ZC3H12B: variants seen among roughly 807,000 people sequenced by gnomAD.
The protein encoded by ZC3H12B is probable ribonuclease ZC3H12B.
In ZC3H12B, 7 loss-of-function variants were observed where a neutral mutation model predicts 43.9. That is an observed-to-expected ratio of 0.16 (90% CI 0.09 to 0.30). ZC3H12B has a LOEUF of 0.30. ZC3H12B is among the 10% of genes least tolerant of loss of function. ZC3H12B has a pLI of 1.00. For missense variants in ZC3H12B, 475 were observed against 670.2 expected (o/e 0.71, Z 3.22); for synonymous variants, 222 against 241.7 (o/e 0.92, Z 0.76).
chrX:65,239,080 C>T, the ZC3H12B span, among the ~76,000 whole-genome samples: 1 of 111,866 alleles, frequency 8.9e-6, no homozygotes, highest in Non-Finnish European at 1.9e-5. Context: ...GTAGAGAGTT[C>T]TGTAGATGGT....
chrX:65,174,537 T>A, the ZC3H12B span, among the ~76,000 whole-genome samples: 1 of 111,634 alleles, frequency 9.0e-6, no homozygotes, highest in East Asian at 2.8e-4. Flanking sequence ...TATAATCCCC[T>A]GTCAGGGGCT....
At chrX:65,448,542 C>T (rs1385470576) in intron 3 of ZC3H12B, among the ~76,000 whole-genome samples, 1 of 111,764 alleles carries the variant, frequency 8.9e-6, no homozygotes, top group Non-Finnish European at 1.9e-5. Flanking sequence ...TGGGACCGGG[C>T]ACTGTGGCTC....
chrX:65,184,926 A>G, the ZC3H12B span: 3 of 111,712 alleles, frequency 2.7e-5, no homozygotes, highest in Non-Finnish European at 5.7e-5. Flanking sequence ...ATGTTTTCAT[A>G]CATATATGCA....
the ZC3H12B span, among the ~76,000 whole-genome samples, chrX:65,036,326 C>G: frequency 8.9e-6 from 1 of 111,914 alleles, no homozygotes; most frequent in Non-Finnish European, 1.9e-5. Flanking sequence ...AAGATGGGTT[C>G]TTTTCCCTCC....
intron 1 of ZC3H12B, among the ~76,000 whole-genome samples, chrX:65,494,594 A>T (rs184133641): frequency 9.1e-6 from 1 of 110,283 alleles, no homozygotes; most frequent in African/African-American, 3.3e-5. Flanking sequence ...CAGCCTTGGC[A>T]ACATGGTGAA....
At chrX:65,231,286 A>G in the ZC3H12B span, among the ~76,000 whole-genome samples, 4 of 111,299 alleles carry the variant, frequency 3.6e-5, no homozygotes, top group Non-Finnish European at 7.5e-5. Flanking sequence ...AGGGTAGAGC[A>G]AGATCACAAG....
At chrX:65,258,595 G>T in the ZC3H12B span, among the ~76,000 whole-genome samples, 1 of 111,487 alleles carries the variant, frequency 9.0e-6, no homozygotes, top group South Asian at 3.7e-4. Flanking sequence ...AAGAAATAAA[G>T]GCTCTTAAAT....
the ZC3H12B span, among the ~76,000 whole-genome samples, chrX:65,312,705 T>A: frequency 9.0e-6 from 1 of 111,220 alleles, no homozygotes. Flanking sequence ...TATAGTGAGG[T>A]CTCATTTCCC....
the ZC3H12B span, among the ~76,000 whole-genome samples, chrX:65,224,966 C>T: frequency 3.6e-5 from 4 of 111,507 alleles, no homozygotes; most frequent in Non-Finnish European, 7.6e-5. Flanking sequence ...AACAAAAAGA[C>T]AGCAGTAACC....
the ZC3H12B span, among the ~76,000 whole-genome samples, chrX:65,171,554 T>C: frequency 9.0e-6 from 1 of 111,375 alleles, no homozygotes; most frequent in Non-Finnish European, 1.9e-5. Context: ...TGAGAAGCAC[T>C]ACTCTCTTCA....
At chrX:65,111,837 C>T in the ZC3H12B span, among the ~76,000 whole-genome samples, 1 of 110,510 alleles carries the variant, frequency 9.0e-6, no homozygotes, top group African/African-American at 3.3e-5. Flanking sequence ...ACCCCCTTCC[C>T]CTCCCATTTC....
chrX:65,120,669 G>A, the ZC3H12B span, among the ~76,000 whole-genome samples: 3 of 111,221 alleles, frequency 2.7e-5, no homozygotes, highest in Non-Finnish European at 5.7e-5. Flanking sequence ...GTCCTGGCCA[G>A]AACTTCCAAC....
chrX:65,342,118 A>G, the ZC3H12B span, among the ~76,000 whole-genome samples: 1 of 111,736 alleles, frequency 8.9e-6, no homozygotes, highest in Admixed American at 9.5e-5. Flanking sequence ...TGCAGTCCTA[A>G]TTTCAGAAAA....
the ZC3H12B span, among the ~76,000 whole-genome samples, chrX:65,041,968 G>A: frequency 1.8e-5 from 2 of 111,734 alleles, no homozygotes; most frequent in African/African-American, 6.5e-5. Flanking sequence ...TTGAACTAGG[G>A]TGAAGCTGTC....
the ZC3H12B span, among the ~76,000 whole-genome samples, chrX:65,162,466 C>T: frequency 3.6e-5 from 4 of 111,520 alleles, no homozygotes; most frequent in African/African-American, 9.8e-5. Context: ...TTGTTCATTG[C>T]TTTTTATTCT....
intron 3 of ZC3H12B, among the ~76,000 whole-genome samples, chrX:65,421,437 G>T (rs2067015994): frequency 8.9e-6 from 1 of 111,942 alleles, no homozygotes; most frequent in African/African-American, 3.3e-5. Flanking sequence ...TTATTTATCG[G>T]CACGATCAGC....
the ZC3H12B span, among the ~76,000 whole-genome samples, chrX:65,189,687 C>G: frequency 9.4e-6 from 1 of 105,995 alleles, no homozygotes; most frequent in Admixed American, 1.0e-4. Context: ...ATTGTAGATT[C>G]TGGATATTAG....
chrX:65,285,623 A>C, the ZC3H12B span, among the ~76,000 whole-genome samples: 4 of 111,729 alleles, frequency 3.6e-5, no homozygotes, highest in African/African-American at 6.5e-5. Flanking sequence ...TTTCAGAAAC[A>C]AAAGAAAAAT....
the ZC3H12B span, among the ~76,000 whole-genome samples, chrX:65,105,609 C>T: frequency 9.0e-6 from 1 of 110,970 alleles, no homozygotes; most frequent in African/African-American, 3.3e-5. Context: ...TGAGATGCTA[C>T]ACTGAAATGA....
Sources: gnomAD v4.1 joint callset for allele counts (sites outside exome capture counted in the v4.1 genomes callset) on GRCh38, gnomAD v4.1.1 for gene constraint, MANE v1.5 for transcripts, NCBI Gene and HGNC (gene_info 2026-07-23, HGNC 2026-07-21) for gene names.